Variants in MYO6 observed in about 807,000 individuals in gnomAD.
The protein encoded by MYO6 is unconventional myosin-VI.
MYO6 carries 74 observed loss-of-function variants against 178.7 expected under a neutral mutation model. The observed-to-expected ratio is 0.41, with a 90% CI of 0.34 to 0.50. The LOEUF is 0.50. Among genes scored for constraint, MYO6 ranks in the 20% least tolerant of loss-of-function variants. The probability of loss-of-function intolerance (pLI) is 0.09; values close to 1 mark genes in which losing one functional copy is unlikely to be tolerated. For missense variants in MYO6, 1,330 were observed against 1,547.4 expected, an observed-to-expected ratio of 0.86 and a Z score of 2.36; for synonymous variants, 477 against 504.6, an observed-to-expected ratio of 0.95 and a Z score of 0.73.
At chr6:75,841,925 G>A (rs1440862924) in intron 9 of MYO6, among the ~76,000 whole-genome samples, 1 of 152,090 alleles carries the variant, frequency 6.6e-6, no homozygotes, top group Non-Finnish European at 1.5e-5. Flanking sequence ...AAGGATAGAT[G>A]TTAAACCCTA....
chr6:75,786,090 T>TG (rs947560216), intron 1 of MYO6, among the ~76,000 whole-genome samples: 4 of 151,644 alleles, frequency 2.6e-5, no homozygotes, highest in East Asian at 3.9e-4. Flanking sequence ...TAAATTTTTT[T>TG]TGTGTGTGTG....
intron 27 of MYO6, 141 bp from the exon 28 acceptor site, chr6:75,892,389 A>C: frequency 1.8e-6 from 2 of 1,107,304 alleles, no homozygotes; most frequent in Non-Finnish European, 1.4e-6. Flanking sequence ...GTAGAGACTG[A>C]AGAGATCTGT....
chr6:75,791,065 C>T (rs537076764), intron 1 of MYO6, among the ~76,000 whole-genome samples: 8 of 152,230 alleles, frequency 5.3e-5, no homozygotes, highest in African/African-American at 1.4e-4. Context: ...TCCCGAGTAG[C>T]TGGACTACAG....
In MYO6 at chr6:75,768,187, T is replaced by G. The variant is rs1456196238; in HGVS notation, c.-48+18764T>G. The G allele has an allele frequency of 2.0e-5, 3 of 152,362 alleles. No homozygotes were observed. The East Asian group carries it at 5.8e-4, about 29-fold the overall frequency. The allele number at this position is 152,362 out of a possible 1,614,324, so 9.4% of individuals were successfully genotyped here. ...TCAGTGTTTTTATGGGTGTATCTAT[T>G]GCAGAATGCATAAATAACTTTTTTA... On this transcript the variant is annotated intron_variant, in intron 1 of 34. Transcript: ENST00000369977.
At chr6:75,783,455 G>A (rs1407543407) in intron 1 of MYO6, among the ~76,000 whole-genome samples, 3 of 151,892 alleles carry the variant, frequency 2.0e-5, no homozygotes, top group East Asian at 1.9e-4. Flanking sequence ...TTTCTCTTCC[G>A]GTATTTTGAT....
intron 1 of MYO6, among the ~76,000 whole-genome samples, chr6:75,795,392 G>T (rs1004536072): frequency 6.6e-6 from 1 of 152,178 alleles, no homozygotes; most frequent in Non-Finnish European, 1.5e-5. Flanking sequence ...TGCTTTATGA[G>T]CTGGGAAGGT....
At chr6:75,909,392 C>T (rs1342399802) in intron 32 of MYO6, among the ~76,000 whole-genome samples, 1 of 152,296 alleles carries the variant, frequency 6.6e-6, no homozygotes, top group East Asian at 1.9e-4. Context: ...AATAATTTTA[C>T]TGCAAACATT....
At chr6:75,804,442 G>A (rs1003158313) in intron 1 of MYO6, among the ~76,000 whole-genome samples, 1 of 152,094 alleles carries the variant, frequency 6.6e-6, no homozygotes, top group Non-Finnish European at 1.5e-5. Flanking sequence ...GCAAGGCCAG[G>A]GCTTGGCCAG....
chr6:75,836,474 A>C (rs1773655866), intron 7 of MYO6, among the ~76,000 whole-genome samples: 1 of 152,170 alleles, frequency 6.6e-6, no homozygotes, highest in African/African-American at 2.4e-5. Flanking sequence ...AATCTCCTGC[A>C]TGATGCCCTC....
At chr6:75,904,653 C>G (rs1046391727) in intron 30 of MYO6, among the ~76,000 whole-genome samples, 1 of 152,138 alleles carries the variant, frequency 6.6e-6, no homozygotes, top group Non-Finnish European at 1.5e-5. Context: ...AAGTTTTCAA[C>G]TTCTTTGCCT....
intron 1 of MYO6, among the ~76,000 whole-genome samples, chr6:75,754,126 T>A (rs987537019): frequency 1.3e-5 from 2 of 152,232 alleles, no homozygotes; most frequent in Non-Finnish European, 2.9e-5. Context: ...CAGTGTATAT[T>A]CACATGGGGT....
At chr6:75,794,678 A>G (rs571899265) in intron 1 of MYO6, among the ~76,000 whole-genome samples, 6 of 150,870 alleles carry the variant, frequency 4.0e-5, no homozygotes, top group Non-Finnish European at 7.4e-5. Flanking sequence ...AGTTTCAGAG[A>G]GCAGCCAAAC....
At chr6:75,864,050 A>G (rs1175630020) in intron 16 of MYO6, among the ~76,000 whole-genome samples, 4 of 152,164 alleles carry the variant, frequency 2.6e-5, no homozygotes, top group Non-Finnish European at 5.9e-5. Flanking sequence ...TTGCTGCCTC[A>G]TCTCATAGAC....
chr6:75,862,565 C>T (rs1198678521), intron 15 of MYO6, 31 bp from the exon 16 acceptor site: 3 of 1,578,552 alleles, frequency 1.9e-6, no homozygotes, highest in Non-Finnish European at 2.6e-6. Flanking sequence ...TGTTTTTACA[C>T]TATTGTGAGT....
intron 1 of MYO6, among the ~76,000 whole-genome samples, chr6:75,789,576 T>C (rs1768019959): frequency 6.6e-6 from 1 of 152,202 alleles, no homozygotes; most frequent in Non-Finnish European, 1.5e-5. Context: ...TCTTTTTTTT[T>C]GTTAACTGCC....
intron 1 of MYO6, among the ~76,000 whole-genome samples, chr6:75,783,775 T>C (rs910951432): frequency 6.6e-6 from 1 of 152,140 alleles, no homozygotes; most frequent in Non-Finnish European, 1.5e-5. Context: ...AAATTTATCA[T>C]CTAGACCACA....
intron 25 of MYO6, 150 bp from the exon 26 acceptor site, chr6:75,889,907 T>G: frequency 8.8e-6 from 6 of 683,866 alleles, no homozygotes; most frequent in East Asian, 2.8e-5. Flanking sequence ...TTGGAGTAGT[T>G]TTTTATTTTA....
intron 1 of MYO6, among the ~76,000 whole-genome samples, chr6:75,786,098 G>T (rs1043200826): frequency 6.6e-6 from 1 of 151,552 alleles, no homozygotes. Context: ...TTTTGTGTGT[G>T]TGTTTTTTAG....
intron 7 of MYO6, 95 bp from the exon 8 acceptor site, chr6:75,840,490 C>G (rs1774110719): frequency 2.3e-6 from 2 of 862,594 alleles, no homozygotes; most frequent in African/African-American, 1.7e-5. Context: ...ACATTTTTTT[C>G]TAGACATATA....
Sources: allele counts gnomAD v4.1 joint callset (sites outside exome capture counted in the v4.1 genomes callset), GRCh38; gene constraint gnomAD v4.1.1; transcripts MANE v1.5; gene names NCBI Gene and HGNC (gene_info 2026-07-23, HGNC 2026-07-21).